The following ARB2A variants were observed in gnomAD, a reference collection of about 807,000 sequenced individuals.
The protein encoded by ARB2A is ARB2 cotranscriptional regulator A, also known as cotranscriptional regulator ARB2A.
chr5:93,907,746 AT>A, the ARB2A span, among the ~76,000 whole-genome samples: 1 of 151,412 alleles, frequency 6.6e-6, no homozygotes, highest in Non-Finnish European at 1.5e-5. Context: ...AAACTTGCTG[AT>A]TGTCATGGGG....
At chr5:93,957,781 C>A in the ARB2A span, among the ~76,000 whole-genome samples, 2 of 151,972 alleles carry the variant, frequency 1.3e-5, no homozygotes, top group Admixed American at 1.3e-4. Flanking sequence ...AACATGTTAC[C>A]TTTGACTTTT....
chr5:93,730,565 T>C, the ARB2A span, among the ~76,000 whole-genome samples: 1 of 152,284 alleles, frequency 6.6e-6, no homozygotes, highest in Admixed American at 6.5e-5. Context: ...AGCAATATTA[T>C]TAAAACTGTT....
the ARB2A span, among the ~76,000 whole-genome samples, chr5:93,817,010 GA>G: frequency 5.8e-4 from 88 of 151,874 alleles, no homozygotes; most frequent in African/African-American, 2.1e-3. Context: ...CATCCAGATT[GA>G]AAAGGAAGAA....
chr5:93,978,982 C>G, the ARB2A span, among the ~76,000 whole-genome samples: 1 of 151,952 alleles, frequency 6.6e-6, no homozygotes, highest in Non-Finnish European at 1.5e-5. Flanking sequence ...CAATAATGTA[C>G]TGCATGTTAA....
chr5:93,913,160 T>G, the ARB2A span, among the ~76,000 whole-genome samples: 3 of 151,870 alleles, frequency 2.0e-5, no homozygotes, highest in Non-Finnish European at 2.9e-5. Flanking sequence ...ATTGCTCTGA[T>G]TCCCCACACT....
the ARB2A span, among the ~76,000 whole-genome samples, chr5:93,894,284 A>G: frequency 6.6e-6 from 1 of 152,130 alleles, no homozygotes; most frequent in East Asian, 1.9e-4. Context: ...AACACAATAG[A>G]TGTGAGTGTA....
the ARB2A span, among the ~76,000 whole-genome samples, chr5:93,943,473 ACT>A: frequency 2.0e-5 from 3 of 152,082 alleles, no homozygotes; most frequent in Non-Finnish European, 2.9e-5. Context: ...CATACTCCAC[ACT>A]CTGTTTAGAC....
the ARB2A span, among the ~76,000 whole-genome samples, chr5:94,044,008 A>T: frequency 6.6e-6 from 1 of 152,232 alleles, no homozygotes; most frequent in Admixed American, 6.5e-5. Context: ...ACTAATTTCT[A>T]GTCTCATTAG....
the ARB2A span, among the ~76,000 whole-genome samples, chr5:93,713,042 T>C: frequency 1.2e-3 from 177 of 152,252 alleles, no homozygotes; most frequent in Non-Finnish European, 2.3e-3. Flanking sequence ...TGTCACCATA[T>C]ACAAAAATCA....
chr5:93,691,697 A>C, the ARB2A span, among the ~76,000 whole-genome samples: 1 of 152,104 alleles, frequency 6.6e-6, no homozygotes, highest in African/African-American at 2.4e-5. Context: ...ATACTCCTCG[A>C]GAAGAGCAAC....
chr5:93,829,293 T>G, the ARB2A span, among the ~76,000 whole-genome samples: 1 of 152,036 alleles, frequency 6.6e-6, no homozygotes, highest in African/African-American at 2.4e-5. Flanking sequence ...CGAAGTAACC[T>G]AATTGGGCCC....
the ARB2A span, among the ~76,000 whole-genome samples, chr5:94,111,070 T>C: frequency 6.6e-6 from 1 of 152,082 alleles, no homozygotes; most frequent in Admixed American, 6.5e-5. Context: ...ATGTTACAAG[T>C]TTTGAGAGCA....
chr5:93,620,866 C>T, the ARB2A span: 5 of 1,374,950 alleles, frequency 3.6e-6, no homozygotes, highest in African/African-American at 5.9e-5. Context: ...GTATATATCA[C>T]GACCCTGGGC....
At chr5:93,852,512 G>C in the ARB2A span, among the ~76,000 whole-genome samples, 1 of 152,086 alleles carries the variant, frequency 6.6e-6, no homozygotes, top group Non-Finnish European at 1.5e-5. Context: ...TGGTGTTTTA[G>C]ACATGAAGTC....
the ARB2A span, among the ~76,000 whole-genome samples, chr5:94,059,124 C>A: frequency 6.6e-6 from 1 of 151,338 alleles, no homozygotes; most frequent in Non-Finnish European, 1.5e-5. Flanking sequence ...CAGTCTCAAG[C>A]ATGCCTTCAT....
At chr5:93,726,183 G>T in the ARB2A span, among the ~76,000 whole-genome samples, 3 of 152,100 alleles carry the variant, frequency 2.0e-5, no homozygotes, top group South Asian at 6.2e-4. Flanking sequence ...TCTAATTGTG[G>T]CCTGTATATT....
the ARB2A span, chr5:93,805,668 A>C: frequency 1.0e-6 from 1 of 985,208 alleles, no homozygotes; most frequent in Non-Finnish European, 1.2e-6. Context: ...GTATAAATTT[A>C]AGGGGAAGAA....
At chr5:93,824,200 T>G in the ARB2A span, 10 of 1,595,794 alleles carry the variant, frequency 6.3e-6, no homozygotes, top group Non-Finnish European at 8.5e-6. Context: ...AAACACATTC[T>G]CAGCAGCAGC....
chr5:94,007,699 T>C, the ARB2A span, among the ~76,000 whole-genome samples: 1 of 150,008 alleles, frequency 6.7e-6, no homozygotes, highest in South Asian at 2.1e-4. Context: ...GGCTTGAACC[T>C]GGGAGGCGGA....
Sources: allele counts gnomAD v4.1 joint callset (sites outside exome capture counted in the v4.1 genomes callset), GRCh38; gene constraint gnomAD v4.1.1; transcripts MANE v1.5; gene names NCBI Gene and HGNC (gene_info 2026-07-23, HGNC 2026-07-21).